OTUD7A: variants seen among roughly 807,000 people sequenced by gnomAD.
OTUD7A encodes OTU deubiquitinase 7A.
A neutral mutation model predicts 65.7 loss-of-function variants in OTUD7A; 12 were observed. That is an observed-to-expected ratio of 0.18 (90% CI 0.12 to 0.30). The LOEUF is 0.30. OTUD7A is among the 10% of genes least tolerant of loss of function. The probability of loss-of-function intolerance (pLI) is 1.00; values close to 1 mark genes in which losing one functional copy is unlikely to be tolerated. For missense variants in OTUD7A, 1,148 were observed against 1,304.8 expected (o/e 0.88, Z 1.85); for synonymous variants, 641 against 586.3 (o/e 1.09, Z -1.35).
At chr15:31,501,155 C>G (rs1181974058) in intron 10 of OTUD7A, among the ~76,000 whole-genome samples, 5 of 152,212 alleles carry the variant, frequency 3.3e-5, no homozygotes, top group Non-Finnish European at 7.3e-5. Flanking sequence ...CAGGGGTGAG[C>G]AAACTCTTCC....
chr15:31,540,241 C>T (rs1050647536), intron 5 of OTUD7A, among the ~76,000 whole-genome samples: 4 of 152,198 alleles, frequency 2.6e-5, no homozygotes, highest in Admixed American at 2.6e-4. Flanking sequence ...CCACACTTTC[C>T]ATGGCAGACA....
At chr15:31,576,875 G>T (rs1316984315) in intron 3 of OTUD7A, among the ~76,000 whole-genome samples, 2 of 152,188 alleles carry the variant, frequency 1.3e-5, no homozygotes, top group African/African-American at 4.8e-5. Flanking sequence ...CCTCAGAGAT[G>T]CCTGAAAAAC....
chr15:31,601,007 A>C (rs1029111406), intron 3 of OTUD7A, among the ~76,000 whole-genome samples: 1 of 152,200 alleles, frequency 6.6e-6, no homozygotes, highest in Non-Finnish European at 1.5e-5. Flanking sequence ...ACACAATAAC[A>C]GTGGGAGACC....
intron 3 of OTUD7A, among the ~76,000 whole-genome samples, chr15:31,605,115 G>C (rs1279173188): frequency 6.6e-6 from 1 of 152,182 alleles, no homozygotes; most frequent in African/African-American, 2.4e-5. Context: ...GTTTGCTTTT[G>C]ATGAGATAAT....
intron 1 of OTUD7A, among the ~76,000 whole-genome samples, chr15:31,826,527 G>A (rs1162999717): frequency 6.6e-6 from 1 of 152,202 alleles, no homozygotes; most frequent in Non-Finnish European, 1.5e-5. Context: ...TGATAGGAGG[G>A]GCTGATGTGA....
intron 1 of OTUD7A, among the ~76,000 whole-genome samples, chr15:31,674,029 A>G (rs1364695404): frequency 6.6e-6 from 1 of 152,258 alleles, no homozygotes; most frequent in East Asian, 1.9e-4. Flanking sequence ...ATGGGCAGAC[A>G]TGAAAATACC....
At chr15:31,784,985 C>T (rs968783945) in intron 1 of OTUD7A, among the ~76,000 whole-genome samples, 2 of 152,138 alleles carry the variant, frequency 1.3e-5, no homozygotes, top group Non-Finnish European at 2.9e-5. Context: ...ATCTCTTAAA[C>T]GCGGGCATAC....
chr15:31,612,325 G>C (rs1290653397), intron 3 of OTUD7A, among the ~76,000 whole-genome samples: 2 of 152,152 alleles, frequency 1.3e-5, no homozygotes, highest in Non-Finnish European at 2.9e-5. Flanking sequence ...AGAAATAAAA[G>C]GCATCCAAAT....
chr15:31,715,351 C>T (rs749828138), intron 1 of OTUD7A, among the ~76,000 whole-genome samples: 1 of 143,410 alleles, frequency 7.0e-6, no homozygotes, highest in Non-Finnish European at 1.5e-5. Flanking sequence ...CACACACAGC[C>T]TGCTGCTTCC....
chr15:31,742,635 T>C (rs1219405287), intron 1 of OTUD7A, among the ~76,000 whole-genome samples: 1 of 152,108 alleles, frequency 6.6e-6, no homozygotes, highest in Non-Finnish European at 1.5e-5. Context: ...ATGGACAAAC[T>C]GCAGAATATT....
chr15:31,592,579 C>T (rs758153800), intron 3 of OTUD7A, among the ~76,000 whole-genome samples: 1 of 151,886 alleles, frequency 6.6e-6, no homozygotes, highest in Non-Finnish European at 1.5e-5. Flanking sequence ...TTTACATTAA[C>T]TTTAAAAAAA....
intron 1 of OTUD7A, among the ~76,000 whole-genome samples, chr15:31,678,474 G>GA (rs1566971637): frequency 6.6e-6 from 1 of 152,066 alleles, no homozygotes; most frequent in South Asian, 2.1e-4. Flanking sequence ...GGCCTAGGAG[G>GA]AAAAAAACGG....
intron 1 of OTUD7A, among the ~76,000 whole-genome samples, chr15:31,696,909 C>T (rs1427513961): frequency 6.6e-6 from 1 of 150,442 alleles, no homozygotes; most frequent in East Asian, 2.0e-4. Flanking sequence ...GCATCAAGGT[C>T]AGGGAGAGGA....
chr15:31,740,078 C>T (rs904425612), intron 1 of OTUD7A, among the ~76,000 whole-genome samples: 3 of 152,148 alleles, frequency 2.0e-5, no homozygotes, highest in Non-Finnish European at 2.9e-5. Flanking sequence ...AAAGGGCAGG[C>T]GAGAGGAAGG....
At chr15:31,631,295 A>G (rs1413362895) in intron 3 of OTUD7A, among the ~76,000 whole-genome samples, 1 of 151,982 alleles carries the variant, frequency 6.6e-6, no homozygotes, top group Non-Finnish European at 1.5e-5. Context: ...TGGTGACAAA[A>G]TCTCTCAGCA....
intron 1 of OTUD7A, among the ~76,000 whole-genome samples, chr15:31,662,283 C>G (rs1266219540): frequency 1.3e-5 from 2 of 152,190 alleles, no homozygotes; most frequent in Non-Finnish European, 1.5e-5. Context: ...TGGTAGACAC[C>G]TAATAGAAAA....
At chr15:31,792,114 G>A (rs1292143620) in intron 1 of OTUD7A, among the ~76,000 whole-genome samples, 1 of 151,986 alleles carries the variant, frequency 6.6e-6, no homozygotes, top group East Asian at 1.9e-4. Context: ...CGCATTTCTC[G>A]TCCGCTCCTC....
At chr15:31,660,145 T>C (rs981033350) in intron 1 of OTUD7A, among the ~76,000 whole-genome samples, 1 of 152,278 alleles carries the variant, frequency 6.6e-6, no homozygotes, top group Non-Finnish European at 1.5e-5. Context: ...CATTTATACA[T>C]CCCTGTTAAG....
At chr15:31,523,678 A>G (rs933736702) in intron 8 of OTUD7A, among the ~76,000 whole-genome samples, 6 of 152,130 alleles carry the variant, frequency 3.9e-5, no homozygotes, top group African/African-American at 2.4e-5. Flanking sequence ...GTGAACCCTG[A>G]GCTCGCCAGT....
Sources: gnomAD v4.1 joint callset for allele counts (sites outside exome capture counted in the v4.1 genomes callset) on GRCh38, gnomAD v4.1.1 for gene constraint, MANE v1.5 for transcripts, NCBI Gene and HGNC (gene_info 2026-07-23, HGNC 2026-07-21) for gene names.